GLRA3: variants seen among roughly 807,000 people sequenced by gnomAD.
The protein encoded by GLRA3 is glycine receptor alpha 3, also known as glycine receptor subunit alpha-3.
GLRA3 carries 44 observed loss-of-function variants against 60.4 expected under a neutral mutation model. The ratio of observed to expected loss-of-function variants is 0.73; its 90% CI spans 0.57 to 0.94. The LOEUF is 0.94. Among genes scored for constraint, GLRA3 ranks in the 40% least tolerant of loss-of-function variants. The pLI, the probability that GLRA3 is intolerant of heterozygous loss-of-function variation, is 0.00. For synonymous variants in GLRA3, 223 were observed against 192.9 expected (o/e 1.16, Z -1.29); for missense variants, 508 against 564.6 (o/e 0.90, Z 1.02).
intron 4 of GLRA3, among the ~76,000 whole-genome samples, chr4:174,719,019 G>A (rs1047866738): frequency 7.3e-6 from 1 of 136,208 alleles, no homozygotes; most frequent in African/African-American, 2.8e-5. Flanking sequence ...CTGGAGTGCA[G>A]TGGCGCAATC....
At chr4:174,804,055 T>G (rs984868042) in intron 1 of GLRA3, among the ~76,000 whole-genome samples, 1 of 152,172 alleles carries the variant, frequency 6.6e-6, no homozygotes, top group Non-Finnish European at 1.5e-5. Flanking sequence ...GGGTTTATAT[T>G]GTTTTGTATT....
At position 174,644,073 on chromosome 4, in the gene GLRA3, G is replaced by GA. The variant is rs759002807; in HGVS notation, c.1117-10dup. On this transcript the variant is annotated splice_polypyrimidine_tract_variant and intron_variant, in intron 9 of 9. Coordinates refer to ENST00000274093, the MANE Select transcript of GLRA3 (RefSeq NM_006529.4). ...TCCCTTACCTCATCATCCTGTCAAA[G>GA]AAAAATGTGACAAGGCCCTTTAATA... is the stretch of plus-strand genomic sequence containing the variant. The GA allele has an allele frequency of 2.0e-5, 31 of 1,564,298 alleles. No homozygotes were observed. In the African/African-American group the frequency reaches 3.7e-4, roughly 19 times the overall value.
chr4:174,750,216 T>G (rs1411030010), intron 3 of GLRA3, among the ~76,000 whole-genome samples: 1 of 152,172 alleles, frequency 6.6e-6, no homozygotes, highest in Non-Finnish European at 1.5e-5. Flanking sequence ...CCATGGATTA[T>G]GAAACAAAAT....
intron 4 of GLRA3, among the ~76,000 whole-genome samples, chr4:174,716,119 T>C (rs1735909246): frequency 6.6e-6 from 1 of 152,178 alleles, no homozygotes; most frequent in South Asian, 2.1e-4. Flanking sequence ...GTCATCATTC[T>C]AACGACCCTG....
intron 2 of GLRA3, among the ~76,000 whole-genome samples, chr4:174,769,947 C>G (rs1738313312): frequency 6.6e-6 from 1 of 151,972 alleles, no homozygotes; most frequent in Non-Finnish European, 1.5e-5. Flanking sequence ...AAGCCCAAAG[C>G]CATTTTGTAG....
At chr4:174,780,137 G>C (rs1371598955) in intron 2 of GLRA3, among the ~76,000 whole-genome samples, 1 of 149,468 alleles carries the variant, frequency 6.7e-6, no homozygotes, top group Non-Finnish European at 1.5e-5. Context: ...CTACAAGCCA[G>C]AAGAGAGTGG....
chr4:174,737,777 G>T (rs1352331185), intron 3 of GLRA3, among the ~76,000 whole-genome samples: 1 of 152,172 alleles, frequency 6.6e-6, no homozygotes, highest in Admixed American at 6.5e-5. Context: ...CTCCCAAAGT[G>T]CTGGGATTAC....
chr4:174,778,813 A>C (rs1016162444), intron 2 of GLRA3, among the ~76,000 whole-genome samples: 1 of 152,140 alleles, frequency 6.6e-6, no homozygotes, highest in Non-Finnish European at 1.5e-5. Context: ...CCTGGCTTGG[A>C]GGGTCCTACC....
intron 5 of GLRA3, among the ~76,000 whole-genome samples, chr4:174,707,499 A>G (rs1397332416): frequency 2.6e-5 from 4 of 152,040 alleles, no homozygotes; most frequent in African/African-American, 7.2e-5. Context: ...CTGCAATAGT[A>G]ACAGAATGAT....
intron 5 of GLRA3, 150 bp from the exon 6 acceptor site, chr4:174,683,089 C>T (rs909619053): frequency 1.6e-5 from 10 of 611,798 alleles, no homozygotes; most frequent in South Asian, 1.1e-4. Context: ...TGCCCAATTC[C>T]GTTTCATAAA....
chr4:174,821,591 A>T (rs960152218), intron 1 of GLRA3, among the ~76,000 whole-genome samples: 2 of 152,158 alleles, frequency 1.3e-5, no homozygotes, highest in Non-Finnish European at 2.9e-5. Context: ...TACATGATGT[A>T]TCTGTGGTAT....
At chr4:174,790,863 G>A (rs2111310475) in intron 1 of GLRA3, among the ~76,000 whole-genome samples, 1 of 150,180 alleles carries the variant, frequency 6.7e-6, no homozygotes, top group African/African-American at 2.4e-5. Context: ...AATTAGCCGG[G>A]CGTAGTGGCG....
chr4:174,779,172 C>T (rs1579593109), intron 2 of GLRA3, among the ~76,000 whole-genome samples: 1 of 152,202 alleles, frequency 6.6e-6, no homozygotes, highest in South Asian at 2.1e-4. Flanking sequence ...CCCCAAGCAG[C>T]CTAACTGGGA....
intron 5 of GLRA3, among the ~76,000 whole-genome samples, chr4:174,714,821 G>T (rs561406649): frequency 7.4e-4 from 112 of 152,344 alleles, no homozygotes; most frequent in Non-Finnish European, 1.5e-3. Context: ...GGTAGGATGT[G>T]AAATGTTCAT....
intron 4 of GLRA3, among the ~76,000 whole-genome samples, chr4:174,718,645 T>C (rs1378888483): frequency 2.6e-5 from 4 of 152,352 alleles, no homozygotes; most frequent in Admixed American, 2.6e-4. Flanking sequence ...TAGATCCTAA[T>C]ATTTCTCTAT....
At chr4:174,699,469 C>T (rs1035953898) in intron 5 of GLRA3, among the ~76,000 whole-genome samples, 1 of 152,162 alleles carries the variant, frequency 6.6e-6, no homozygotes, top group Admixed American at 6.5e-5. Context: ...TGGAAGTGAG[C>T]AACTCCACAG....
At position 174,829,077 on chromosome 4, in the gene GLRA3, CT is replaced by C; in HGVS notation, c.-267del. 2.6e-6 allele frequency: 1 copy of C among 383,266 alleles called. No individual in the cohort carries two copies. Among genetic ancestry groups the C allele is most frequent in the African/African-American group, 2.1e-5 (1 of 48,682 alleles). 23.7% of individuals were successfully genotyped at this position (383,266 alleles called of 1,614,324 possible). On this transcript the variant is annotated 5_prime_UTR_variant, in exon 1 of 10. Coordinates refer to ENST00000274093, the MANE Select transcript of GLRA3 (RefSeq NM_006529.4). ...GAGTGAGATGAAATGTCTGAAGTGC[CT>C]AGGTGCTGGGCAACAGTTCTCTAAA...
intron 1 of GLRA3, among the ~76,000 whole-genome samples, chr4:174,826,372 T>C (rs941418956): frequency 6.6e-6 from 1 of 152,124 alleles, no homozygotes; most frequent in African/African-American, 2.4e-5. Context: ...ATATACTTAT[T>C]ATATAAGTCA....
At chr4:174,785,838 T>C (rs1468679608) in intron 2 of GLRA3, among the ~76,000 whole-genome samples, 2 of 151,886 alleles carry the variant, frequency 1.3e-5, no homozygotes, top group East Asian at 1.9e-4. Flanking sequence ...GGCACAACCA[T>C]AGCTCACTGT....
Sources: allele counts gnomAD v4.1 joint callset (sites outside exome capture counted in the v4.1 genomes callset), GRCh38; gene constraint gnomAD v4.1.1; transcripts MANE v1.5; gene names NCBI Gene and HGNC (gene_info 2026-07-23, HGNC 2026-07-21).